The following GALNT2 variants were observed in gnomAD, a reference collection of about 807,000 sequenced individuals.
The protein encoded by GALNT2 is UDP-GalNAc:polypeptide N-acetylgalactosaminyltransferase 2.
In GALNT2, 31 loss-of-function variants were observed where a neutral mutation model predicts 81.4. The ratio of observed to expected loss-of-function variants is 0.38; its 90% CI spans 0.29 to 0.51. The LOEUF (loss-of-function observed/expected upper bound fraction) is 0.51. Ranked by LOEUF, GALNT2 falls within the 20% of genes least tolerant of loss-of-function variation. The pLI, the probability that GALNT2 is intolerant of heterozygous loss-of-function variation, is 0.87. For missense variants in GALNT2, 629 were observed against 765.7 expected (o/e 0.82, Z 2.11); for synonymous variants, 303 against 287.4 (o/e 1.05, Z -0.55).
chr1:230,279,193 GTGTCTATC>G lies in GALNT2; in HGVS notation c.1561-106_1561-99del. 1.7e-6 allele frequency: 2 copies of G among 1,185,722 alleles called. No individual in the cohort carries two copies. The highest frequency in any genetic ancestry group is 2.3e-6 in the Non-Finnish European group (2 of 856,034). The allele number at this position is 1,185,722 out of a possible 1,614,324, so 73.5% of individuals were successfully genotyped here. On this transcript the variant is annotated intron_variant, in intron 15 of 15. Transcript: ENST00000366672. This position sits in a 1 kb window ranked among gnomAD's most constrained non-coding sequence, Gnocchi z 4.6. Reference sequence around the variant, plus strand: ...GTTCAGATGAGAGGCTGGGAAAAACGTGTCTATCTGTGAGTTTTTAATGCAGCCACAAG... The same window carrying G: ...GTTCAGATGAGAGGCTGGGAAAAACGTGTGAGTTTTTAATGCAGCCACAAG...
chr1:230,229,686 G>A (rs1664814905), intron 3 of GALNT2, among the ~76,000 whole-genome samples: 3 of 152,194 alleles, frequency 2.0e-5, no homozygotes, highest in Admixed American at 2.0e-4. Context: ...GACGTGTGGT[G>A]TGTTCCTCCC....
At chr1:230,136,166 T>A (rs963178601) in intron 1 of GALNT2, among the ~76,000 whole-genome samples, 4 of 152,052 alleles carry the variant, frequency 2.6e-5, no homozygotes, top group Non-Finnish European at 5.9e-5. Flanking sequence ...TTCTCAGGAG[T>A]TGGAGGGTGA....
At chr1:230,209,733 C>T (rs1054652287) in intron 3 of GALNT2, among the ~76,000 whole-genome samples, 1 of 151,824 alleles carries the variant, frequency 6.6e-6, no homozygotes, top group Non-Finnish European at 1.5e-5. Flanking sequence ...GTCCCAGCTA[C>T]AAGGGAGGCT....
chr1:230,138,825 T>C (rs1443442956), intron 1 of GALNT2, among the ~76,000 whole-genome samples: 2 of 152,172 alleles, frequency 1.3e-5, no homozygotes, highest in East Asian at 3.9e-4. Flanking sequence ...TAATGAGCAG[T>C]GAGGATGACC....
intron 1 of GALNT2, among the ~76,000 whole-genome samples, chr1:230,129,289 G>C (rs1468286896): frequency 6.6e-6 from 1 of 152,130 alleles, no homozygotes; most frequent in Non-Finnish European, 1.5e-5. Flanking sequence ...CTGTTTGTTA[G>C]TGGGGTAGAA....
chr1:230,131,243 A>G (rs1213333379), intron 1 of GALNT2, among the ~76,000 whole-genome samples: 2 of 152,108 alleles, frequency 1.3e-5, no homozygotes, highest in East Asian at 3.9e-4. Flanking sequence ...GTAACAGAAA[A>G]CTGAGGACAC....
chr1:230,184,548 C>CTT, intron 2 of GALNT2, among the ~76,000 whole-genome samples: 1 of 151,948 alleles, frequency 6.6e-6, no homozygotes, highest in Admixed American at 6.6e-5. Flanking sequence ...TCTCTGAGCC[C>CTT]TTTAAATATT....
chr1:230,235,044 A>G (rs191406022), intron 3 of GALNT2, among the ~76,000 whole-genome samples: 180 of 151,726 alleles, frequency 1.2e-3, no homozygotes, highest in African/African-American at 4.2e-3. Context: ...TGAGACCCCC[A>G]TCTCTACAAA....
At chr1:230,097,941 T>C (rs1021279295) in intron 1 of GALNT2, among the ~76,000 whole-genome samples, 4 of 152,232 alleles carry the variant, frequency 2.6e-5, no homozygotes, top group African/African-American at 9.6e-5. Flanking sequence ...GGGATCAAAA[T>C]GAGTTAATAC....
chr1:230,258,759 TCAAA>T (rs1665792430), intron 11 of GALNT2: 1 of 152,192 alleles, frequency 6.6e-6, no homozygotes, highest in African/African-American at 2.4e-5. Context: ...CTTTACAAAA[TCAAA>T]CAAAAATATG....
chr1:230,206,270 T>C (rs1205299813), intron 3 of GALNT2, among the ~76,000 whole-genome samples: 3 of 152,212 alleles, frequency 2.0e-5, no homozygotes, highest in Non-Finnish European at 4.4e-5. Context: ...AAACTATATG[T>C]ACGTATATTT....
At position 230,271,602 on chromosome 1, in the gene GALNT2, G is replaced by A. The variant is rs182526589; in HGVS notation, c.1441-2843G>A. Among the ~76,000 whole-genome samples the A allele has an allele frequency of 8.3e-4, 126 of 152,360 alleles. 1 individual carries two copies. The highest frequency in any genetic ancestry group is 2.7e-3 in the Admixed American group (41 of 15,304). ...TGTAAATCAGGGCTCCCGCGACCTC[G>A]CCTTGAATTCATTCATTTGCAAGAA... On this transcript the variant is annotated intron_variant, in intron 14 of 15. Transcript: ENST00000366672. This position sits in a 1 kb window ranked among gnomAD's most constrained non-coding sequence, Gnocchi z 4.2.
Position 230,212,654 on chromosome 1 carries a change from C to T in GALNT2, c.374+9364C>T, listed in dbSNP as rs547844430. Among the ~76,000 whole-genome samples, 6 of 152,134 alleles carry T rather than the reference C, an allele frequency of 3.9e-5. No individual in the cohort carries two copies. The East Asian group carries it at 1.2e-3, about 29-fold the overall frequency. On this transcript the variant is annotated intron_variant, in intron 3 of 15. Transcript: ENST00000366672. ...TGGGAAGTGGCCAGCAATAATGGCT[C>T]CTTGCTTAACGGGTCCCCCACCAAC...
chr1:230,106,547 T>G (rs1660550798), intron 1 of GALNT2, among the ~76,000 whole-genome samples: 1 of 152,264 alleles, frequency 6.6e-6, no homozygotes. Flanking sequence ...TCATTTTATT[T>G]TACATCAAAG....
intron 2 of GALNT2, among the ~76,000 whole-genome samples, chr1:230,179,556 T>C (rs1286760145): frequency 6.6e-6 from 1 of 152,238 alleles, no homozygotes; most frequent in Non-Finnish European, 1.5e-5. Flanking sequence ...TGACATATGA[T>C]GTTGAGCATC....
chr1:230,106,698 A>G (rs996215089), intron 1 of GALNT2, among the ~76,000 whole-genome samples: 3 of 152,196 alleles, frequency 2.0e-5, no homozygotes. Context: ...CTAAGCAGCT[A>G]CACTTGCTAA....
At position 230,243,948 on chromosome 1, in the gene GALNT2, T is replaced by G. The variant is rs1665286465; in HGVS notation, c.729+521T>G. 3.3e-5 allele frequency among the ~76,000 whole-genome samples: 5 copies of G among 152,172 alleles called. No homozygotes were observed. In the South Asian group the frequency reaches 1.0e-3, roughly 32 times the overall value. ...GGAAGCATACAGGGACCGGTGGGGT[T>G]GTCAGAGGGTGATCCGCGGCTCCAC... is the stretch of plus-strand genomic sequence containing the variant. On this transcript the variant is annotated intron_variant, in intron 7 of 15. Transcript: ENST00000366672. The surrounding 1 kb of genome is among the most constrained non-coding windows in gnomAD (Gnocchi z 4.2).
rs1459288374 is a variant in GALNT2 at position 230,280,323 on chromosome 1, A to C, written c.*865A>C. 6.7e-6 allele frequency: 2 copies of C among 297,974 alleles called. No individual in the cohort carries two copies. The highest frequency in any genetic ancestry group is 1.3e-5 in the Non-Finnish European group (2 of 149,888). The allele number at this position is 297,974 out of a possible 1,614,324, so 18.5% of individuals were successfully genotyped here. A position where few individuals can be genotyped will look rare whatever the true frequency, so the allele number is the denominator to read the frequency against. On this transcript the variant is annotated 3_prime_UTR_variant, in exon 16 of 16. Coordinates refer to ENST00000366672, the MANE Select transcript of GALNT2 (RefSeq NM_004481.5). ...GGCATCCCTGTTGGGCGTCAGCCTG[A>C]GAGTCCCTACTGTGCGTCAGAATCC... is the stretch of plus-strand genomic sequence containing the variant.
intron 1 of GALNT2, among the ~76,000 whole-genome samples, chr1:230,176,140 C>G (rs752379851): frequency 6.6e-6 from 1 of 151,806 alleles, no homozygotes; most frequent in Admixed American, 6.6e-5. Flanking sequence ...TAGTAGGCAT[C>G]GTTGATTGGA....
Sources: gnomAD v4.1 joint callset for allele counts (sites outside exome capture counted in the v4.1 genomes callset) on GRCh38, gnomAD v4.1.1 for gene constraint, Gnocchi (gnomAD v3.1) non-coding constraint, MANE v1.5 for transcripts, NCBI Gene and HGNC (gene_info 2026-07-23, HGNC 2026-07-21) for gene names.